The following MAPK10 variants were observed in gnomAD, a reference collection of about 807,000 sequenced individuals.
MAPK10 encodes JNK3 alpha protein kinase.
A neutral mutation model predicts 59.3 loss-of-function variants in MAPK10; 25 were observed. That is an observed-to-expected ratio of 0.42 (90% CI 0.31 to 0.59). The LOEUF is 0.59. Among genes scored for constraint, MAPK10 ranks in the 20% least tolerant of loss-of-function variants. The pLI, the probability that MAPK10 is intolerant of heterozygous loss-of-function variation, is 0.15. For missense variants in MAPK10, 351 were observed against 568.9 expected (o/e 0.62, Z 3.90); for synonymous variants, 190 against 200.5 (o/e 0.95, Z 0.44).
At chr4:86,146,934 T>G (rs2065154953) in intron 4 of MAPK10, among the ~76,000 whole-genome samples, 1 of 152,222 alleles carries the variant, frequency 6.6e-6, no homozygotes, top group Non-Finnish European at 1.5e-5. Flanking sequence ...TCCTTTCTAT[T>G]CAACTTTATA....
chr4:86,431,771 C>T (rs1366843896), intron 1 of MAPK10, among the ~76,000 whole-genome samples: 2 of 152,092 alleles, frequency 1.3e-5, no homozygotes, highest in African/African-American at 2.4e-5. Context: ...TAGGAAGAGT[C>T]GTGTTATGAA....
At chr4:86,226,943 T>C (rs6828947) in intron 2 of MAPK10, among the ~76,000 whole-genome samples, 49,967 of 152,138 alleles carry the variant, frequency 0.33, 11,159 homozygotes, top group African/African-American at 0.64. Context: ...ATCTAATTTA[T>C]CTAGCTTCAC....
intron 1 of MAPK10, among the ~76,000 whole-genome samples, chr4:86,500,436 A>G (rs1755222770): frequency 1.3e-5 from 2 of 152,162 alleles, no homozygotes; most frequent in African/African-American, 4.8e-5. Flanking sequence ...TCTTCTAACT[A>G]GAAACTTCAG....
intron 1 of MAPK10, among the ~76,000 whole-genome samples, chr4:86,398,965 C>T (rs1743329581): frequency 2.0e-5 from 3 of 152,152 alleles, no homozygotes; most frequent in Admixed American, 2.0e-4. Context: ...ACATAGTATT[C>T]CATGGTGCAT....
At chr4:86,345,856 C>T (rs1158725438) in intron 2 of MAPK10, among the ~76,000 whole-genome samples, 2 of 152,200 alleles carry the variant, frequency 1.3e-5, no homozygotes, top group Non-Finnish European at 2.9e-5. Flanking sequence ...GGTTTTAGTA[C>T]CTATGATCCA....
chr4:86,337,361 G>C (rs1005263281), intron 2 of MAPK10, among the ~76,000 whole-genome samples: 28 of 152,164 alleles, frequency 1.8e-4, no homozygotes, highest in African/African-American at 7.2e-5. Context: ...CAATAAGGAA[G>C]TGCTAATCAC....
chr4:86,286,533 T>C (rs1342132042), intron 2 of MAPK10, among the ~76,000 whole-genome samples: 1 of 152,200 alleles, frequency 6.6e-6, no homozygotes, highest in Non-Finnish European at 1.5e-5. Context: ...CCAGATGATA[T>C]AGGTTCTGTT....
rs1738175930 is a variant in MAPK10, at chr4:86,367,887, C to T, written c.-121-13243G>A. On this transcript the variant is annotated intron_variant, in intron 1 of 13. Coordinates refer to the MAPK10 transcript ENST00000361569. ...AGCCAAACCCATCTTGGTTCTGCTTCAAGATGGCATTACTCTTGCCATGTG... is the reference window on the plus strand; with the variant it reads ...AGCCAAACCCATCTTGGTTCTGCTTTAAGATGGCATTACTCTTGCCATGTG... 2.0e-5 allele frequency among the ~76,000 whole-genome samples: 3 copies of T among 152,120 alleles called. No individual in the cohort carries two copies. The South Asian group carries it at 6.2e-4, about 32-fold the overall frequency.
intron 4 of MAPK10, among the ~76,000 whole-genome samples, chr4:86,116,537 A>G (rs1173019532): frequency 6.6e-6 from 1 of 152,224 alleles, no homozygotes; most frequent in African/African-American, 2.4e-5. Flanking sequence ...GATATTGACC[A>G]GATCATGCAA....
intron 2 of MAPK10, among the ~76,000 whole-genome samples, chr4:86,267,613 C>T (rs566986597): frequency 1.2e-4 from 19 of 152,204 alleles, no homozygotes; most frequent in East Asian, 9.7e-4. Context: ...ATCCCCAGTT[C>T]ATTTATGTTG....
Position 86,294,457 on chromosome 4 carries a change from A to G in MAPK10, c.-7+60073T>C, listed in dbSNP as rs999249458. Among the ~76,000 whole-genome samples, 3 of 152,182 alleles carry G rather than the reference A, an allele frequency of 2.0e-5. No individual in the cohort carries two copies. In the South Asian group the frequency reaches 6.2e-4, roughly 32 times the overall value. On this transcript the variant is annotated intron_variant, in intron 2 of 13. Coordinates refer to ENST00000641462, the MANE Select transcript of MAPK10 (RefSeq NM_138982.4). Reference sequence around the variant, plus strand: ...AAGGCTTTTTATTAGTTTGGCAATCAAAAGTTCTACTAGAACCTCTGTTTC... The same window carrying G: ...AAGGCTTTTTATTAGTTTGGCAATCGAAAGTTCTACTAGAACCTCTGTTTC...
In MAPK10 at chr4:86,589,551, T is replaced by G. The variant is rs1008468788; in HGVS notation, c.-263+4359A>C. ...ACAAAAATTAGCCGGGCGTGGTGGC[T>G]TGTGCCTGTAATCCCAGCTATTCGG... On this transcript the variant is annotated intron_variant, in intron 1 of 4. Transcript: ENST00000502302. Among the ~76,000 whole-genome samples, 13 of 151,782 alleles carry G rather than the reference T, an allele frequency of 8.6e-5. No homozygotes were observed. The East Asian group carries it at 2.5e-3, about 30-fold the overall frequency.
At chr4:86,588,119 G>A (rs1487231343) in intron 1 of MAPK10, among the ~76,000 whole-genome samples, 1 of 152,198 alleles carries the variant, frequency 6.6e-6, no homozygotes, top group East Asian at 1.9e-4. Flanking sequence ...TTATGTGGTT[G>A]TCCATGGGTC....
intron 1 of MAPK10, among the ~76,000 whole-genome samples, chr4:86,554,084 C>T (rs980031425): frequency 8.6e-5 from 13 of 151,846 alleles, no homozygotes; most frequent in South Asian, 6.3e-4. Context: ...GAAGGCAGGA[C>T]GAGGGGGTAG....
intron 3 of MAPK10, among the ~76,000 whole-genome samples, chr4:86,176,795 A>T (rs2075784480): frequency 6.6e-6 from 1 of 152,146 alleles, no homozygotes; most frequent in Admixed American, 6.6e-5. Context: ...GTAGACCGTT[A>T]TCATGACAGT....
intron 1 of MAPK10, among the ~76,000 whole-genome samples, chr4:86,573,689 C>G (rs901469445): frequency 6.6e-6 from 1 of 152,006 alleles, no homozygotes; most frequent in African/African-American, 2.4e-5. Flanking sequence ...ATAAATTTAC[C>G]CATTAAAAAG....
At chr4:86,044,716 CA>C (rs1453689783) in intron 11 of MAPK10, 7 of 397,438 alleles carry the variant, frequency 1.8e-5, no homozygotes, top group Non-Finnish European at 3.1e-5. Context: ...CTAAAGTGAG[CA>C]GGGAGAATCT....
At chr4:86,502,232 C>T (rs1287220348) in intron 1 of MAPK10, among the ~76,000 whole-genome samples, 4 of 152,044 alleles carry the variant, frequency 2.6e-5, no homozygotes, top group African/African-American at 7.2e-5. Context: ...TAGTAACCAC[C>T]CCCATTCTAT....
At chr4:86,143,200 T>C (rs146949247) in intron 4 of MAPK10, among the ~76,000 whole-genome samples, 61 of 152,218 alleles carry the variant, frequency 4.0e-4, no homozygotes, top group African/African-American at 1.4e-3. Flanking sequence ...TTAATCACTA[T>C]CACAAGAACA....
Sources: allele counts gnomAD v4.1 joint callset (sites outside exome capture counted in the v4.1 genomes callset), GRCh38; gene constraint gnomAD v4.1.1; transcripts MANE v1.5; gene names NCBI Gene and HGNC (gene_info 2026-07-23, HGNC 2026-07-21).